The following CFAP54 variants were observed in gnomAD, a reference collection of about 807,000 sequenced individuals.
The protein encoded by CFAP54 is cilia- and flagella-associated protein 54.
Under a neutral mutation model 370.4 loss-of-function variants are expected in CFAP54, and 290 were observed. That is an observed-to-expected ratio of 0.78 (90% CI 0.71 to 0.86). The LOEUF (loss-of-function observed/expected upper bound fraction) is 0.86, where lower values mean the gene tolerates loss of function less well. Among genes scored for constraint, CFAP54 ranks in the 40% least tolerant of loss-of-function variants. CFAP54 has a pLI of 0.00. For missense variants in CFAP54, 3,399 were observed against 3,528.7 expected, an observed-to-expected ratio of 0.96 and a Z score of 0.93; for synonymous variants, 1,206 against 1,236.5, an observed-to-expected ratio of 0.98 and a Z score of 0.52.
At chr12:96,779,107 CAAA>C (rs35990040) in intron 60 of CFAP54, among the ~76,000 whole-genome samples, 7,492 of 103,712 alleles carry the variant, frequency 0.072, 633 homozygotes, top group African/African-American at 0.24. Context: ...ATCTCCATCT[CAAA>C]AAAAAAAAAA....
chr12:96,501,158 C>G (rs1012422398), intron 2 of CFAP54: 1 of 386,542 alleles, frequency 2.6e-6, no homozygotes, highest in African/African-American at 2.1e-5. Context: ...TCCTGAACAG[C>G]CAGGCAGCTG....
At chr12:96,626,993 A>G (rs1956555998) in intron 30 of CFAP54, 54 bp downstream of exon 30, 1 of 1,201,018 alleles carries the variant, frequency 8.3e-7, no homozygotes, top group African/African-American at 1.5e-5. Flanking sequence ...AATGAATATC[A>G]TTGTCAGTTT....
At chr12:96,617,559 A>G (rs1956433481) in intron 26 of CFAP54, among the ~76,000 whole-genome samples, 1 of 152,234 alleles carries the variant, frequency 6.6e-6, no homozygotes, top group Admixed American at 6.5e-5. Context: ...TCATTGTCAC[A>G]TGGTGACACC....
intron 9 of CFAP54, 118 bp from the exon 10 acceptor site, chr12:96,533,674 G>A (rs959850049): frequency 1.6e-5 from 13 of 799,514 alleles, no homozygotes; most frequent in Admixed American, 1.0e-4. Flanking sequence ...CCACTAGAAC[G>A]TAAATCTTAT....
At chr12:96,700,449 C>A (rs1957480045) in intron 46 of CFAP54, among the ~76,000 whole-genome samples, 1 of 152,132 alleles carries the variant, frequency 6.6e-6, no homozygotes, top group South Asian at 2.1e-4. Flanking sequence ...GATTTTAAAT[C>A]AAAATAGTCT....
At chr12:96,790,476 T>G (rs140298551) in intron 62 of CFAP54, among the ~76,000 whole-genome samples, 4 of 152,222 alleles carry the variant, frequency 2.6e-5, no homozygotes, top group African/African-American at 9.6e-5. Context: ...TTGACTTATG[T>G]TTATAATTTA....
At chr12:96,788,818 T>G (rs961852324) in intron 62 of CFAP54, among the ~76,000 whole-genome samples, 1 of 152,194 alleles carries the variant, frequency 6.6e-6, no homozygotes, top group African/African-American at 2.4e-5. Context: ...GTTGGTGTTA[T>G]GCAGTGGCCC....
chr12:96,683,689 G>GA (rs1957294756), intron 40 of CFAP54, among the ~76,000 whole-genome samples: 1 of 152,102 alleles, frequency 6.6e-6, no homozygotes, highest in Admixed American at 6.6e-5. Flanking sequence ...AGCCTCTAGA[G>GA]AACAGCATTG....
intron 19 of CFAP54, among the ~76,000 whole-genome samples, chr12:96,565,455 A>G (rs189798866): frequency 2.6e-5 from 4 of 152,232 alleles, no homozygotes; most frequent in African/African-American, 7.2e-5. Flanking sequence ...TGGCTGAGTG[A>G]ATGATGTATG....
At position 96,655,311 on chromosome 12, in the gene CFAP54, G is replaced by GA. The variant is rs573368334; in HGVS notation, c.5101-2559dup. The stretch of plus-strand genomic sequence containing the variant: ...CACTAAAGGAAACAGGGCTTCTTTG[G>GA]AAAAAAAAAAAAGCTTGACTACCTT... On this transcript the variant is annotated intron_variant, in intron 36 of 67. Transcript: ENST00000524981. 9.3e-4 allele frequency among the ~76,000 whole-genome samples: 128 copies of GA among 137,092 alleles called. No individual in the cohort carries two copies. The Middle Eastern group carries it at 0.015, about 16-fold the overall frequency. 89.9% of individuals were successfully genotyped at this position (137,092 alleles called of 152,430 possible).
At chr12:96,652,201 A>T (rs1956867490) in intron 36 of CFAP54, among the ~76,000 whole-genome samples, 1 of 152,214 alleles carries the variant, frequency 6.6e-6, no homozygotes, top group Admixed American at 6.5e-5. Flanking sequence ...CTGTTCTATT[A>T]TTCTGGTCTG....
Position 96,576,646 on chromosome 12 carries a change from A to G in CFAP54, c.2681A>G (p.Lys894Arg), listed in dbSNP as rs1285899380. The G allele has an allele frequency of 6.5e-7, 1 of 1,535,326 alleles. No individual in the cohort carries two copies. Among genetic ancestry groups the G allele is most frequent in the Non-Finnish European group, 8.7e-7 (1 of 1,146,288 alleles). Residue 894 changes from lysine (K) to arginine (R), a missense_variant, in exon 20 of 68, where the codon AAA becomes AGA. By Grantham distance (26) the Lys-to-Arg change is conservative. Around this residue, in one of 3 missense-constraint regions of CFAP54, gnomAD observed 2,796 missense variants for 2,869.7 expected, o/e 0.97. Transcript: ENST00000524981. ...CAAAATGCCCTATATTCCTATCAGA[A>G]ATATTTGGAAAGTTCAAAAAGAAAG... ...AEQNALYSYQ[K>R]YLESSKRKKS... is the part of the protein sequence containing the mutation.
At chr12:96,547,791 C>T (rs1444838355) in intron 14 of CFAP54, 111 bp from the exon 15 acceptor site, 1 of 414,306 alleles carries the variant, frequency 2.4e-6, no homozygotes, top group Non-Finnish European at 4.2e-6. Context: ...CTTTCGTTTC[C>T]TCCTCACTCT....
intron 2 of CFAP54, 133 bp from the exon 3 acceptor site, chr12:96,503,752 GA>G: frequency 1.3e-6 from 1 of 761,956 alleles, no homozygotes; most frequent in Non-Finnish European, 2.0e-6. Context: ...TATGTTTTTG[GA>G]AAATGGAGCC....
At chr12:96,684,030 G>T (rs956928043) in intron 40 of CFAP54, among the ~76,000 whole-genome samples, 5 of 152,144 alleles carry the variant, frequency 3.3e-5, no homozygotes, top group African/African-American at 1.2e-4. Flanking sequence ...GACCTCAGGT[G>T]ATCTGCCCGG....
At chr12:96,611,616 C>T (rs1046221315) in intron 26 of CFAP54, among the ~76,000 whole-genome samples, 7 of 152,104 alleles carry the variant, frequency 4.6e-5, no homozygotes, top group African/African-American at 7.2e-5. Context: ...TAAAACCCAT[C>T]GCAAAGAAGC....
At chr12:96,547,687 ATTAAT>A (rs1955655249) in intron 14 of CFAP54, among the ~76,000 whole-genome samples, 3 of 152,210 alleles carry the variant, frequency 2.0e-5, no homozygotes, top group Admixed American at 2.0e-4. Flanking sequence ...TTAAAAAGTA[ATTAAT>A]TTAGCATAAA....
Position 96,495,426 on chromosome 12 carries a change from G to A in CFAP54, c.318-5408G>A, listed in dbSNP as rs190580988. On this transcript the variant is annotated intron_variant, in intron 1 of 67. Coordinates refer to ENST00000524981, the MANE Select transcript of CFAP54 (RefSeq NM_001306084.2). Reference sequence around the variant, plus strand: ...GGGTGCAGTCAATCAGACAATTCACGTGCCTCAGCCTCGTTGGTAGCTGGA... The same window carrying A: ...GGGTGCAGTCAATCAGACAATTCACATGCCTCAGCCTCGTTGGTAGCTGGA... Among the ~76,000 whole-genome samples, 478 of 151,432 alleles carry A rather than the reference G, an allele frequency of 3.2e-3. 1 individual carries two copies. Among genetic ancestry groups the A allele is most frequent in the Non-Finnish European group, 4.7e-3 (319 of 67,922 alleles).
intron 25 of CFAP54, among the ~76,000 whole-genome samples, chr12:96,595,362 A>G (rs1956167639): frequency 6.6e-6 from 1 of 152,152 alleles, no homozygotes; most frequent in Non-Finnish European, 1.5e-5. Flanking sequence ...ACCAGGGGGA[A>G]GAATCTTGGG....
Sources: gnomAD v4.1 joint callset for allele counts (sites outside exome capture counted in the v4.1 genomes callset) on GRCh38, gnomAD v4.1.1 for gene constraint, gnomAD v4.1.1 regional missense constraint, MANE v1.5 for transcripts, NCBI Gene and HGNC (gene_info 2026-07-23, HGNC 2026-07-21) for gene names.